The following GPR161 variants were observed in gnomAD, a reference collection of about 807,000 sequenced individuals.
The protein encoded by GPR161 is G protein-coupled receptor 161, also known as G-protein coupled receptor RE2.
A neutral mutation model predicts 39.2 loss-of-function variants in GPR161; 25 were observed. The ratio of observed to expected loss-of-function variants is 0.64; its 90% CI spans 0.47 to 0.89. The LOEUF (loss-of-function observed/expected upper bound fraction) is 0.89, where lower values mean the gene tolerates loss of function less well. Among genes scored for constraint, GPR161 ranks in the 40% least tolerant of loss-of-function variants. The pLI is 0.00. For synonymous variants in GPR161, 286 were observed against 276.6 expected, an observed-to-expected ratio of 1.03 and a Z score of -0.34; for missense variants, 547 against 677.8, an observed-to-expected ratio of 0.81 and a Z score of 2.14.
intron 1 of GPR161, among the ~76,000 whole-genome samples, chr1:168,133,570 A>T (rs1181419850): frequency 1.3e-5 from 2 of 152,252 alleles, no homozygotes; most frequent in African/African-American, 4.8e-5. Flanking sequence ...ATGACTTCTA[A>T]GTCATATTGT....
chr1:168,088,967 C>T (rs1345536590), intron 4 of GPR161: 2 of 152,254 alleles, frequency 1.3e-5, no homozygotes, highest in Non-Finnish European at 2.9e-5. Flanking sequence ...GCTCTCGACA[C>T]ATTCATCATC....
At chr1:168,127,382 G>A (rs12404036) in intron 1 of GPR161, among the ~76,000 whole-genome samples, 31,458 of 151,886 alleles carry the variant, frequency 0.21, 3,603 homozygotes, top group Admixed American at 0.36. Flanking sequence ...CTACTCTGGA[G>A]GCTGAGGCAG....
rs375094268 is a variant in GPR161 at position 168,134,927 on chromosome 1, T to C, written c.-45+1812A>G. 5.6e-5 allele frequency: 86 copies of C among 1,535,640 alleles called. No individual in the cohort carries two copies. In the East Asian group the frequency reaches 1.6e-3, roughly 29 times the overall value. Reference sequence around the variant, plus strand: ...GTACCTCCTCTTGCTGACATTTAGGTCAGTTCCAGTTCAGCCCATTCTGTC... The same window carrying C: ...GTACCTCCTCTTGCTGACATTTAGGCCAGTTCCAGTTCAGCCCATTCTGTC... On this transcript the variant is annotated intron_variant, in intron 1 of 5. Coordinates refer to ENST00000682931, the MANE Select transcript of GPR161 (RefSeq NM_001375883.1).
chr1:168,095,603 A>G (rs1439836361), intron 3 of GPR161, among the ~76,000 whole-genome samples: 2 of 152,192 alleles, frequency 1.3e-5, no homozygotes, highest in East Asian at 3.9e-4. Flanking sequence ...TCACACGTAC[A>G]AGGCCATGAT....
intron 2 of GPR161, among the ~76,000 whole-genome samples, chr1:168,103,500 A>T (rs4657730): frequency 0.34 from 51,157 of 151,698 alleles, 8,915 homozygotes; most frequent in Admixed American, 0.46. Context: ...TCCCCAGTGC[A>T]GCCACAAAGA....
chr1:168,117,691 T>C (rs1430567608), intron 1 of GPR161, among the ~76,000 whole-genome samples: 1 of 152,152 alleles, frequency 6.6e-6, no homozygotes, highest in Non-Finnish European at 1.5e-5. Context: ...AAGAGAACAG[T>C]AGGTATTAGC....
intron 2 of GPR161, among the ~76,000 whole-genome samples, chr1:168,102,785 T>G (rs2102164564): frequency 6.7e-6 from 1 of 148,350 alleles, no homozygotes; most frequent in African/African-American, 2.5e-5. Flanking sequence ...TTAGCCTCAC[T>G]CCATGTTCCA....
At chr1:168,113,955 A>T (rs984211618) in intron 1 of GPR161, among the ~76,000 whole-genome samples, 10 of 152,220 alleles carry the variant, frequency 6.6e-5, no homozygotes, top group African/African-American at 2.4e-4. Context: ...ACAAACCTGC[A>T]CATGTACCAC....
chr1:168,119,231 T>TATATATAC (rs1558129706), intron 1 of GPR161, among the ~76,000 whole-genome samples: 8 of 116,040 alleles, frequency 6.9e-5, no homozygotes, highest in African/African-American at 1.6e-4. Flanking sequence ...TATATACGTA[T>TATATATAC]ATATATATAT....
In GPR161 at chr1:168,119,227, CGT is replaced by C. The variant is rs112866888; in HGVS notation, c.-44-14335_-44-14334del. 3.9e-3 allele frequency among the ~76,000 whole-genome samples: 381 copies of C among 97,050 alleles called. 2 individuals are homozygous for C. Among genetic ancestry groups the C allele is most frequent in the Middle Eastern group, 0.022 (4 of 186 alleles). 63.7% of individuals were successfully genotyped at this position (97,050 alleles called of 152,430 possible). On this transcript the variant is annotated intron_variant, in intron 1 of 5. Coordinates refer to ENST00000682931, the MANE Select transcript of GPR161 (RefSeq NM_001375883.1). ...ATATATATGTATACATATATATATA[CGT>C]ATATATATATATACACATATATATA... is the stretch of plus-strand genomic sequence containing the variant.
chr1:168,114,373 G>A (rs1255644430), intron 1 of GPR161: 1 of 152,140 alleles, frequency 6.6e-6, no homozygotes, highest in Non-Finnish European at 1.5e-5. Flanking sequence ...ATGAGGTCAG[G>A]AGTTCAAGAC....
chr1:168,085,647 G>C lies in GPR161; in HGVS notation c.1474C>G (p.Arg492Gly). ...EALPGVLVTA[R>G]TVPGGGFGGR... ...CCGAAGCCGCCCCCCGGGACAGTCC[G>C]TGCTGTAACCAAGACCCCTGGCAAA... is the stretch of plus-strand genomic sequence containing the variant. Residue 492 changes from arginine (R) to glycine (G), a missense_variant, in exon 6 of 6, where the codon CGG becomes GGG. Physicochemically the swap from Arg to Gly is moderately radical, Grantham distance 125. Coordinates refer to ENST00000682931, the MANE Select transcript of GPR161 (RefSeq NM_001375883.1). 6.2e-7 allele frequency: 1 copy of C among 1,614,122 alleles called. No individual in the cohort carries two copies. The highest frequency in any genetic ancestry group is 8.5e-7 in the Non-Finnish European group (1 of 1,180,012).
intron 4 of GPR161, 77 bp downstream of exon 4, chr1:168,090,487 A>AGGGGAAACGCGACACG (rs970877948): frequency 1.4e-5 from 11 of 795,722 alleles, no homozygotes; most frequent in East Asian, 1.1e-4. Context: ...GAGCCTGCAC[A>AGGGGAAACGCGACACG]GGGGAAACGC....
In GPR161 at chr1:168,100,210, CAA is replaced by C. The variant is rs35900694; in HGVS notation, c.375-2980_375-2979del. On this transcript the variant is annotated intron_variant, in intron 2 of 5. Coordinates refer to ENST00000682931, the MANE Select transcript of GPR161 (RefSeq NM_001375883.1). Reference sequence around the variant, plus strand: ...TGGGTGACAGAGCAAGACCCTGTCTCAAAAAAAAAAAAAAAAAAAAAAAGGAT... The same window carrying C: ...TGGGTGACAGAGCAAGACCCTGTCTCAAAAAAAAAAAAAAAAAAAAAGGAT... 5.9e-3 allele frequency among the ~76,000 whole-genome samples: 326 copies of C among 54,802 alleles called. 3 individuals carry two copies. The highest frequency in any genetic ancestry group is 0.019 in the African/African-American group (305 of 15,698). The allele number at this position is 54,802 out of a possible 152,430, so 36.0% of individuals were successfully genotyped here.
chr1:168,096,344 C>G (rs79549759), intron 3 of GPR161, among the ~76,000 whole-genome samples, 164 bp downstream of exon 3: 5,024 of 152,130 alleles, frequency 0.033, 250 homozygotes, highest in African/African-American at 0.11. Context: ...AGCTCCCTGG[C>G]AATCACAGCG....
chr1:168,096,159 A>AAG lies in GPR161; in HGVS notation c.1099+347_1099+348dup, dbSNP rs1553260980. On this transcript the variant is annotated intron_variant, in intron 3 of 5. Coordinates refer to ENST00000682931, the MANE Select transcript of GPR161 (RefSeq NM_001375883.1). Reference sequence around the variant, plus strand: ...AAAAAAAAAAAAAAAAAAAAAAAAAAAGAGAGAGAGAACTAACTATACACA... The same window carrying AAG: ...AAAAAAAAAAAAAAAAAAAAAAAAAAAGAGAGAGAGAGAACTAACTATACACA... Among the ~76,000 whole-genome samples the AAG allele has an allele frequency of 2.6e-3, 351 of 137,020 alleles. 5 individuals carry two copies. The highest frequency in any genetic ancestry group is 0.011 in the African/African-American group (337 of 30,178). The allele number at this position is 137,020 out of a possible 152,430, so 89.9% of individuals were successfully genotyped here.
In GPR161 at chr1:168,090,692, C is replaced by A. The variant is rs1274248676; in HGVS notation, c.1100-24G>T. 9 of 1,384,540 alleles carry A rather than the reference C, an allele frequency of 6.5e-6. No individual in the cohort carries two copies. In the African/African-American group the frequency reaches 1.0e-4, roughly 15 times the overall value. The allele number at this position is 1,384,540 out of a possible 1,614,324, so 85.8% of individuals were successfully genotyped here. A position where few individuals can be genotyped will look rare whatever the true frequency, so the allele number is the denominator to read the frequency against. On this transcript the variant is annotated intron_variant, in intron 3 of 5. Transcript: ENST00000682931. ...GTCTGAAAGACAAAATTGGCATTGA[C>A]AACACAATCACACTCTGCAAGGAGG...
chr1:168,102,055 G>A (rs1572292519), intron 2 of GPR161, among the ~76,000 whole-genome samples: 3 of 152,068 alleles, frequency 2.0e-5, no homozygotes, highest in African/African-American at 7.2e-5. Flanking sequence ...CACCCACCTC[G>A]GCCTCCCAAA....
chr1:168,113,789 C>A (rs2102207393), intron 1 of GPR161, among the ~76,000 whole-genome samples: 1 of 152,168 alleles, frequency 6.6e-6, no homozygotes, highest in East Asian at 1.9e-4. Context: ...ATGATGAGAA[C>A]ACAAAGAGAG....
Sources: gnomAD v4.1 joint callset for allele counts (sites outside exome capture counted in the v4.1 genomes callset) on GRCh38, gnomAD v4.1.1 for gene constraint, MANE v1.5 for transcripts, NCBI Gene and HGNC (gene_info 2026-07-23, HGNC 2026-07-21) for gene names.